Variants in FRMPD4 observed in about 807,000 individuals in gnomAD.
FRMPD4 encodes the protein FERM and PDZ domain containing 4.
Under a neutral mutation model 94.1 loss-of-function variants are expected in FRMPD4, and 22 were observed. That is an observed-to-expected ratio of 0.23 (90% CI 0.17 to 0.33). The LOEUF is 0.33. Ranked by LOEUF, FRMPD4 falls within the 10% of genes least tolerant of loss-of-function variation. FRMPD4 has a pLI of 1.00. For synonymous variants in FRMPD4, 631 were observed against 548.6 expected (o/e 1.15, Z -2.10); for missense variants, 1,111 against 1,339.9 (o/e 0.83, Z 2.67).
At chrX:12,558,819 G>A (rs5979654) in intron 2 of FRMPD4, among the ~76,000 whole-genome samples, 4,896 of 112,003 alleles carry the variant, frequency 0.044, 162 homozygotes, top group African/African-American at 0.11. Context: ...AGGATTGTGT[G>A]AGGTCAGGAG....
At chrX:12,395,162 A>C (rs1186663005) in intron 1 of FRMPD4, among the ~76,000 whole-genome samples, 1 of 112,206 alleles carries the variant, frequency 8.9e-6, no homozygotes, top group African/African-American at 3.2e-5. Flanking sequence ...ATAATGTAGA[A>C]TTGGTTAAGC....
chrX:12,659,912 ACT>A (rs778035839), intron 4 of FRMPD4, among the ~76,000 whole-genome samples: 117 of 112,223 alleles, frequency 1.0e-3, no homozygotes, highest in Non-Finnish European at 2.1e-3. Flanking sequence ...ATGCAAATTA[ACT>A]CTCTTAGCAG....
intron 1 of FRMPD4, among the ~76,000 whole-genome samples, chrX:12,454,819 T>TTG (rs1333835735): frequency 9.4e-6 from 1 of 106,808 alleles, no homozygotes; most frequent in South Asian, 4.3e-4. Flanking sequence ...AGCCACGTTT[T>TTG]TTTTTTTTTT....
chrX:12,066,583 G>A (rs1207726676), intron 3 of FRMPD4, among the ~76,000 whole-genome samples: 1 of 111,095 alleles, frequency 9.0e-6, no homozygotes, highest in Non-Finnish European at 1.9e-5. Context: ...CATGGGGGTA[G>A]GAAGAATTTA....
intron 1 of FRMPD4, among the ~76,000 whole-genome samples, chrX:12,388,838 T>TCACGAG (rs2056435285): frequency 4.8e-5 from 4 of 83,079 alleles, no homozygotes; most frequent in African/African-American, 2.0e-4. Context: ...TATATATATA[T>TCACGAG]ATATATATAT....
intron 1 of FRMPD4, among the ~76,000 whole-genome samples, chrX:12,261,031 T>C (rs1317849852): frequency 9.0e-6 from 1 of 111,698 alleles, no homozygotes; most frequent in Non-Finnish European, 1.9e-5. Context: ...CTGTGTCTTC[T>C]CCCAAGAGTG....
chrX:12,115,936 T>G (rs1430309938), intron 3 of FRMPD4, among the ~76,000 whole-genome samples: 1 of 112,381 alleles, frequency 8.9e-6, no homozygotes, highest in Admixed American at 9.4e-5. Flanking sequence ...TCTTGATTTA[T>G]GTACTGAGGC....
At chrX:12,044,253 T>A (rs951729054) in intron 3 of FRMPD4, among the ~76,000 whole-genome samples, 1 of 112,531 alleles carries the variant, frequency 8.9e-6, no homozygotes, top group Non-Finnish European at 1.9e-5. Context: ...TTATATACCA[T>A]GTCATTTTTC....
chrX:12,283,480 T>C (rs759150833), intron 1 of FRMPD4, among the ~76,000 whole-genome samples: 10 of 112,321 alleles, frequency 8.9e-5, no homozygotes, highest in Non-Finnish European at 1.5e-4. Context: ...ACATGCTAAA[T>C]TGGTGCACTC....
At chrX:12,591,303 A>T (rs1385356737) in intron 2 of FRMPD4, among the ~76,000 whole-genome samples, 7 of 112,385 alleles carry the variant, frequency 6.2e-5, no homozygotes, top group Non-Finnish European at 1.3e-4. Flanking sequence ...TTAATTGGAA[A>T]TGAGTCATCA....
chrX:12,104,820 G>A (rs1313010031), intron 3 of FRMPD4, among the ~76,000 whole-genome samples: 1 of 111,642 alleles, frequency 9.0e-6, no homozygotes, highest in Admixed American at 9.6e-5. Context: ...GGCTTCTAAA[G>A]GTTAAATTAT....
intron 1 of FRMPD4, among the ~76,000 whole-genome samples, chrX:12,468,507 A>G (rs745553303): frequency 7.1e-5 from 8 of 111,911 alleles, no homozygotes; most frequent in Non-Finnish European, 1.5e-4. Context: ...CGACACTCCA[A>G]GCATATTTTG....
chrX:12,388,818 GATATAT>G (rs3068660), intron 1 of FRMPD4, among the ~76,000 whole-genome samples: 1,203 of 60,708 alleles, frequency 0.02, 62 homozygotes, highest in African/African-American at 0.076. Flanking sequence ...AAGAAAATGT[GATATAT>G]ATATATATAT....
intron 3 of FRMPD4, among the ~76,000 whole-genome samples, chrX:11,996,276 T>G (rs1346286821): frequency 8.9e-6 from 1 of 112,182 alleles, no homozygotes; most frequent in Non-Finnish European, 1.9e-5. Flanking sequence ...CATTGAAATA[T>G]TTGCTTCTGG....
chrX:12,401,351 G>C (rs1183971924), intron 1 of FRMPD4, among the ~76,000 whole-genome samples: 1 of 103,647 alleles, frequency 9.6e-6, no homozygotes, highest in African/African-American at 3.6e-5. Context: ...TTCCTTCCCT[G>C]TCTCCTCCCC....
chrX:11,926,258 C>CAAAAAA (rs763084115), intron 3 of FRMPD4, among the ~76,000 whole-genome samples: 14 of 30,656 alleles, frequency 4.6e-4, no homozygotes, highest in East Asian at 1.0e-3. Context: ...GCTTACCAAC[C>CAAAAAA]AAAAAAAAAA....
chrX:12,248,868 G>A (rs1434954490), intron 1 of FRMPD4, among the ~76,000 whole-genome samples: 13 of 111,791 alleles, frequency 1.2e-4, no homozygotes, highest in Non-Finnish European at 1.7e-4. Context: ...GCGAAACCCC[G>A]TCTCTACTAA....
At chrX:11,834,025 T>C (rs1224496990) in intron 1 of FRMPD4, among the ~76,000 whole-genome samples, 1 of 111,622 alleles carries the variant, frequency 9.0e-6, no homozygotes, top group Non-Finnish European at 1.9e-5. Context: ...ATCTTTGTTA[T>C]GTTAAGCCAC....
At chrX:12,281,945 G>T (rs2054532436) in intron 1 of FRMPD4, among the ~76,000 whole-genome samples, 1 of 111,489 alleles carries the variant, frequency 9.0e-6, no homozygotes, top group African/African-American at 3.3e-5. Flanking sequence ...CAAAGCCCAT[G>T]ATCTCTATAA....
Sources: allele counts gnomAD v4.1 joint callset (sites outside exome capture counted in the v4.1 genomes callset), GRCh38; gene constraint gnomAD v4.1.1; transcripts MANE v1.5; gene names NCBI Gene and HGNC (gene_info 2026-07-23, HGNC 2026-07-21).